HTR4: variants seen among roughly 807,000 people sequenced by gnomAD.
HTR4 encodes 5-hydroxytryptamine (serotonin) receptor 4, G protein-coupled.
HTR4 carries 16 observed loss-of-function variants against 36.8 expected under a neutral mutation model. The observed-to-expected ratio is 0.43, with a 90% CI of 0.29 to 0.66. The LOEUF is 0.66. Ranked by LOEUF, HTR4 falls within the 30% of genes least tolerant of loss-of-function variation. The pLI is 0.13. For missense variants in HTR4, 438 were observed against 490.9 expected (o/e 0.89, Z 1.02); for synonymous variants, 189 against 185.1 (o/e 1.02, Z -0.17).
intron 2 of HTR4, chr5:148,629,428 A>C (rs1753240590): frequency 2.0e-5 from 3 of 152,180 alleles, no homozygotes; most frequent in Admixed American, 6.5e-5. Context: ...CACAGGTGAA[A>C]TGATGTGGAT....
intron 6 of HTR4, among the ~76,000 whole-genome samples, chr5:148,487,937 A>G (rs927450021): frequency 6.6e-6 from 1 of 152,240 alleles, no homozygotes. Flanking sequence ...GAAGATAAAC[A>G]GATGAGAAAA....
At chr5:148,525,259 T>C (rs1758213187) in intron 4 of HTR4, among the ~76,000 whole-genome samples, 1 of 152,220 alleles carries the variant, frequency 6.6e-6, no homozygotes, top group Non-Finnish European at 1.5e-5. Flanking sequence ...AATGGTGATA[T>C]TCATAATCAT....
intron 5 of HTR4, among the ~76,000 whole-genome samples, chr5:148,518,092 C>A (rs1264891176): frequency 6.6e-6 from 1 of 152,074 alleles, no homozygotes; most frequent in Non-Finnish European, 1.5e-5. Context: ...AACTCCCCAA[C>A]CTCCTTAAAG....
At chr5:148,451,393 G>T in intron 5 of HTR4, 1 of 1,524,312 alleles carries the variant, frequency 6.6e-7, no homozygotes, top group Non-Finnish European at 8.9e-7. Flanking sequence ...GTATGGTGAA[G>T]TGGGAGTGGG....
At chr5:148,466,011 T>G in intron 5 of HTR4, 1 of 1,569,700 alleles carries the variant, frequency 6.4e-7, no homozygotes, top group South Asian at 1.2e-5. Flanking sequence ...AACATAGAGA[T>G]TAGTAGACAC....
chr5:148,600,917 C>T (rs1761964891), intron 2 of HTR4, among the ~76,000 whole-genome samples: 1 of 120,798 alleles, frequency 8.3e-6, no homozygotes, highest in South Asian at 2.7e-4. Context: ...ACATGCAAAC[C>T]ACATATTTGA....
At chr5:148,519,403 A>C (rs1367255194) in intron 5 of HTR4, among the ~76,000 whole-genome samples, 1 of 152,162 alleles carries the variant, frequency 6.6e-6, no homozygotes, top group African/African-American at 2.4e-5. Context: ...GGATTAGGAC[A>C]TTTCTAGCAA....
At chr5:148,453,894 T>A (rs1468028509) in intron 5 of HTR4, among the ~76,000 whole-genome samples, 2 of 152,146 alleles carry the variant, frequency 1.3e-5, no homozygotes, top group Non-Finnish European at 2.9e-5. Flanking sequence ...GACAGTGACT[T>A]GGTCCAGGAA....
At chr5:148,592,569 T>C (rs1362504911) in intron 2 of HTR4, among the ~76,000 whole-genome samples, 2 of 152,134 alleles carry the variant, frequency 1.3e-5, no homozygotes, top group African/African-American at 4.8e-5. Context: ...TTCTATGTCT[T>C]TGATATCATG....
intron 6 of HTR4, chr5:148,490,758 A>C: frequency 1.6e-6 from 2 of 1,234,298 alleles, no homozygotes; most frequent in Non-Finnish European, 2.1e-6. Context: ...GTGCTGAAAT[A>C]CATGTTCTTA....
intron 6 of HTR4, among the ~76,000 whole-genome samples, chr5:148,507,501 T>C (rs1757281652): frequency 6.6e-6 from 1 of 151,428 alleles, no homozygotes; most frequent in South Asian, 2.1e-4. Flanking sequence ...TGTGGACATG[T>C]ACCCTAGAAC....
At chr5:148,648,393 T>C (rs1171604160) in intron 1 of HTR4, among the ~76,000 whole-genome samples, 5 of 151,964 alleles carry the variant, frequency 3.3e-5, no homozygotes, top group Non-Finnish European at 7.4e-5. Flanking sequence ...AGAAACCAGG[T>C]GGACAAAGAG....
intron 4 of HTR4, among the ~76,000 whole-genome samples, chr5:148,533,900 T>G (rs1264950139): frequency 6.6e-6 from 1 of 152,210 alleles, no homozygotes; most frequent in Non-Finnish European, 1.5e-5. Flanking sequence ...CAGACTCAAA[T>G]ATATTTTGGA....
At position 148,637,038 on chromosome 5, in the gene HTR4, T is replaced by C; in HGVS notation, c.-24A>G. The C allele has an allele frequency of 6.2e-7, 1 of 1,610,314 alleles. No homozygotes were observed. The highest frequency in any genetic ancestry group is 8.5e-7 in the Non-Finnish European group (1 of 1,177,032). ...ATTACAGGAAATAAGCATGAGTGAG[T>C]TGGATTTCAATGCCCACAGGGTCCT... On this transcript the variant is annotated 5_prime_UTR_variant, in exon 2 of 7. Transcript: ENST00000377888.
At chr5:148,578,438 G>A (rs1761009034) in intron 2 of HTR4, among the ~76,000 whole-genome samples, 1 of 152,034 alleles carries the variant, frequency 6.6e-6, no homozygotes, top group Non-Finnish European at 1.5e-5. Context: ...AATATAAATA[G>A]CATTGTTTGA....
Position 148,627,826 on chromosome 5 carries a change from C to T in HTR4, c.26+9163G>A, listed in dbSNP as rs150008804. On this transcript the variant is annotated intron_variant, in intron 2 of 6. Coordinates refer to ENST00000377888, the MANE Select transcript of HTR4 (RefSeq NM_000870.7). ...CCCTATTTGCTAAATGGTAATAAAA[C>T]AGAATTCCTGGGAGAAAATAGCAGG... is the stretch of plus-strand genomic sequence containing the variant. Among the ~76,000 whole-genome samples the T allele has an allele frequency of 8.1e-4, 124 of 152,226 alleles. 1 individual carries two copies. The highest frequency in any genetic ancestry group is 2.8e-3 in the African/African-American group (118 of 41,556).
chr5:148,634,069 G>A (rs1753436373), intron 2 of HTR4, among the ~76,000 whole-genome samples: 1 of 152,144 alleles, frequency 6.6e-6, no homozygotes. Flanking sequence ...TGAGCAGTAT[G>A]GCCGGACAAA....
chr5:148,514,877 T>C (rs1197787522), intron 5 of HTR4, among the ~76,000 whole-genome samples: 1 of 152,100 alleles, frequency 6.6e-6, no homozygotes, highest in Non-Finnish European at 1.5e-5. Context: ...TTGCATAGTG[T>C]ATGTATTTCT....
At chr5:148,506,751 C>A (rs1169624082) in intron 6 of HTR4, among the ~76,000 whole-genome samples, 2 of 152,198 alleles carry the variant, frequency 1.3e-5, no homozygotes, top group Non-Finnish European at 2.9e-5. Flanking sequence ...GACATTTATG[C>A]AGCAAACAGG....
Sources: gnomAD v4.1 joint callset for allele counts (sites outside exome capture counted in the v4.1 genomes callset) on GRCh38, gnomAD v4.1.1 for gene constraint, MANE v1.5 for transcripts, NCBI Gene and HGNC (gene_info 2026-07-23, HGNC 2026-07-21) for gene names.